Variants in PRR16 observed in about 807,000 individuals in gnomAD.
PRR16 encodes the protein protein Largen.
PRR16 carries 6 observed loss-of-function variants against 18.2 expected under a neutral mutation model. The observed-to-expected ratio is 0.33, with a 90% CI of 0.18 to 0.65. PRR16 has a LOEUF of 0.65. Among genes scored for constraint, PRR16 ranks in the 30% least tolerant of loss-of-function variants. The pLI, the probability that PRR16 is intolerant of heterozygous loss-of-function variation, is 0.74. For missense variants in PRR16, 412 were observed against 376.6 expected (o/e 1.09, Z -0.78); for synonymous variants, 151 against 147.8 (o/e 1.02, Z -0.16).
chr5:120,502,162 C>G (rs1273589087), intron 1 of PRR16, among the ~76,000 whole-genome samples: 1 of 150,772 alleles, frequency 6.6e-6, no homozygotes, highest in Non-Finnish European at 1.5e-5. Flanking sequence ...GGAAATCTGT[C>G]CTAAGGAAAT....
intron 1 of PRR16, among the ~76,000 whole-genome samples, chr5:120,496,114 G>C (rs572760119): frequency 2.6e-5 from 4 of 152,020 alleles, no homozygotes; most frequent in Admixed American, 2.0e-4. Context: ...GATTAAAAAA[G>C]TATTACATCC....
In PRR16 at chr5:120,464,534, G is replaced by A. The variant is rs1488926967; in HGVS notation, c.48G>A (p.Glu16=). 1.3e-6 allele frequency: 2 copies of A among 1,591,852 alleles called. No individual in the cohort carries two copies. The highest frequency in any genetic ancestry group is 1.7e-6 in the Non-Finnish European group (2 of 1,177,274). ...ACCCCTCCTCGTCCTGTCCAGCCGA[G>A]GGACCGCCGGCAGCCTCCAAAACCA... is the stretch of plus-strand genomic sequence containing the variant. The part of the protein sequence containing the change: ...KGNPSSSCPA[E]GPPAASKTKV... The change falls in exon 1 of 2, where the codon GAG becomes GAA. Residue 16 remains glutamate (E), a synonymous_variant. Coordinates refer to ENST00000407149, the MANE Select transcript of PRR16 (RefSeq NM_001300783.2).
At chr5:120,475,967 A>T (rs939700922) in intron 1 of PRR16, among the ~76,000 whole-genome samples, 1 of 152,140 alleles carries the variant, frequency 6.6e-6, no homozygotes, top group African/African-American at 2.4e-5. Flanking sequence ...GCATAAAATC[A>T]TTGATAAGTC....
chr5:120,702,827 G>C, the PRR16 span, among the ~76,000 whole-genome samples: 8 of 152,304 alleles, frequency 5.3e-5, no homozygotes, highest in Admixed American at 3.3e-4. Flanking sequence ...TTTAAAATTG[G>C]TGAGATCTTC....
the PRR16 span, among the ~76,000 whole-genome samples, chr5:120,695,731 G>A: frequency 6.6e-6 from 1 of 152,026 alleles, no homozygotes; most frequent in African/African-American, 2.4e-5. Context: ...TCCCAATCTA[G>A]CGACCCCAAT....
intron 1 of PRR16, among the ~76,000 whole-genome samples, chr5:120,666,363 G>A (rs1283524753): frequency 6.6e-6 from 1 of 152,110 alleles, no homozygotes; most frequent in Non-Finnish European, 1.5e-5. Context: ...TTTGGGCTGA[G>A]ACAATGGGGT....
At chr5:120,758,204 T>C in the PRR16 span, among the ~76,000 whole-genome samples, 1 of 152,166 alleles carries the variant, frequency 6.6e-6, no homozygotes, top group African/African-American at 2.4e-5. Flanking sequence ...ATATTTATTA[T>C]GAAATATGTT....
chr5:120,498,420 A>G (rs142154559), intron 1 of PRR16, among the ~76,000 whole-genome samples: 6 of 150,788 alleles, frequency 4.0e-5, no homozygotes, highest in Non-Finnish European at 5.9e-5. Flanking sequence ...AGTTTAAATG[A>G]AGTATGGAAA....
the PRR16 span, among the ~76,000 whole-genome samples, chr5:120,743,775 T>C: frequency 6.6e-6 from 1 of 152,132 alleles, no homozygotes; most frequent in Non-Finnish European, 1.5e-5. Flanking sequence ...TTATCCTTGG[T>C]TTGATAAACT....
At chr5:120,681,675 C>T (rs950781521) in intron 1 of PRR16, among the ~76,000 whole-genome samples, 9 of 152,138 alleles carry the variant, frequency 5.9e-5, no homozygotes, top group African/African-American at 2.2e-4. Flanking sequence ...AATACTCTCT[C>T]AGTCTTTGTT....
intron 1 of PRR16, among the ~76,000 whole-genome samples, chr5:120,473,191 T>C (rs1183114938): frequency 6.6e-6 from 1 of 152,188 alleles, no homozygotes; most frequent in East Asian, 1.9e-4. Context: ...AACTTTGTAA[T>C]TTTAAAGCCC....
chr5:120,583,680 G>A lies in PRR16; in HGVS notation c.160-102274G>A, dbSNP rs530345159. Among the ~76,000 whole-genome samples the A allele has an allele frequency of 1.5e-3, 229 of 152,212 alleles. 1 individual carries two copies. Among genetic ancestry groups the A allele is most frequent in the Non-Finnish European group, 2.6e-3 (178 of 68,006 alleles). Reference sequence around the variant, plus strand: ...TGCTAAGCTTAGTTGGCTGACACAAGGACACCTCTGGAGGTTGCTGGATCC... The same window carrying A: ...TGCTAAGCTTAGTTGGCTGACACAAAGACACCTCTGGAGGTTGCTGGATCC... On this transcript the variant is annotated intron_variant, in intron 1 of 1. Transcript: ENST00000407149.
At chr5:120,723,310 A>G in the PRR16 span, among the ~76,000 whole-genome samples, 7 of 151,978 alleles carry the variant, frequency 4.6e-5, no homozygotes, top group African/African-American at 1.7e-4. Context: ...TTTTCTGAGT[A>G]ACCTCATTGC....
chr5:120,719,674 T>C, the PRR16 span, among the ~76,000 whole-genome samples: 3 of 152,190 alleles, frequency 2.0e-5, no homozygotes, highest in East Asian at 3.9e-4. Context: ...ACTAGAAAAA[T>C]AGCATGGCAG....
intron 1 of PRR16, among the ~76,000 whole-genome samples, chr5:120,628,748 A>G (rs953486091): frequency 7.4e-6 from 1 of 135,716 alleles, no homozygotes; most frequent in Admixed American, 7.7e-5. Flanking sequence ...CTATCTATCT[A>G]TCATCTATCT....
At chr5:120,785,575 G>GTTGTTGTTT in the PRR16 span, among the ~76,000 whole-genome samples, 67 of 115,414 alleles carry the variant, frequency 5.8e-4, 3 homozygotes, top group African/African-American at 2.2e-3. Flanking sequence ...TGTTGTTGTT[G>GTTGTTGTTT]TTTTTTTTTT....
At chr5:120,779,884 C>G in the PRR16 span, among the ~76,000 whole-genome samples, 5 of 152,058 alleles carry the variant, frequency 3.3e-5, no homozygotes, top group Non-Finnish European at 5.9e-5. Flanking sequence ...AGCCTTGGGT[C>G]CTTTTCAAGA....
the PRR16 span, among the ~76,000 whole-genome samples, chr5:120,785,575 G>GTTTT: frequency 6.9e-5 from 8 of 115,418 alleles, no homozygotes; most frequent in Non-Finnish European, 1.0e-4. Context: ...TGTTGTTGTT[G>GTTTT]TTTTTTTTTT....
the PRR16 span, among the ~76,000 whole-genome samples, chr5:120,727,716 A>G: frequency 6.6e-6 from 1 of 152,136 alleles, no homozygotes; most frequent in African/African-American, 2.4e-5. Flanking sequence ...GTAGATATTT[A>G]TGTTAAATAT....
Sources: allele counts gnomAD v4.1 joint callset (sites outside exome capture counted in the v4.1 genomes callset), GRCh38; gene constraint gnomAD v4.1.1; transcripts MANE v1.5; gene names NCBI Gene and HGNC (gene_info 2026-07-23, HGNC 2026-07-21).